ANO10: variants seen among roughly 807,000 people sequenced by gnomAD.
The protein encoded by ANO10 is anoctamin-10.
ANO10 carries 77 observed loss-of-function variants against 74.7 expected under a neutral mutation model. That is an observed-to-expected ratio of 1.03 (90% confidence interval 0.86 to 1.25). The LOEUF is 1.25. ANO10 is among the 50% of genes most tolerant of loss of function. The pLI is 0.00. For synonymous variants in ANO10, 279 were observed against 284.9 expected (o/e 0.98, Z 0.21); for missense variants, 721 against 778.1 (o/e 0.93, Z 0.87).
chr3:43,663,992 AGCTAC>A (rs955176390), intron 1 of ANO10, among the ~76,000 whole-genome samples: 1 of 152,230 alleles, frequency 6.6e-6, no homozygotes, highest in Non-Finnish European at 1.5e-5. Flanking sequence ...ATCCCCATCA[AGCTAC>A]CACTGACTTT....
At chr3:43,691,085 C>A (rs201623005) in intron 1 of ANO10, 16 of 1,503,398 alleles carry the variant, frequency 1.1e-5, no homozygotes, top group Non-Finnish European at 1.3e-5. Context: ...GGCGCGCACC[C>A]TCCGCGCGGG....
chr3:43,600,315 C>G, intron 3 of ANO10, 69 bp downstream of exon 3: 1 of 1,575,100 alleles, frequency 6.3e-7, no homozygotes, highest in Non-Finnish European at 8.7e-7. Flanking sequence ...TTGCTGATCC[C>G]TGATCTATTC....
At chr3:43,674,460 A>C (rs2149578819) in intron 1 of ANO10, among the ~76,000 whole-genome samples, 1 of 152,266 alleles carries the variant, frequency 6.6e-6, no homozygotes, top group Middle Eastern at 3.4e-3. Flanking sequence ...ACGGGAGTGT[A>C]GACTTTTTGA....
intron 11 of ANO10, among the ~76,000 whole-genome samples, chr3:43,499,866 C>G (rs888477676): frequency 6.6e-6 from 1 of 150,622 alleles, no homozygotes; most frequent in South Asian, 2.1e-4. Context: ...CTCACTCACT[C>G]TATCGCCCAT....
Position 43,684,113 on chromosome 3 carries a change from C to CA in ANO10, c.-12+7403dup, listed in dbSNP as rs909752833. On this transcript the variant is annotated intron_variant, in intron 1 of 3. Coordinates refer to the ANO10 transcript ENST00000413397. ...GTTAAACTAAAGAGCTTCCACACAG[C>CA]AAAAAAAACTACCATTAGAGTGAAC... Among the ~76,000 whole-genome samples the CA allele has an allele frequency of 3.6e-3, 538 of 151,512 alleles. 1 individual carries two copies. The highest frequency in any genetic ancestry group is 0.01 in the Middle Eastern group (3 of 294).
chr3:43,453,352 C>T (rs893341991), intron 11 of ANO10, among the ~76,000 whole-genome samples: 1 of 151,820 alleles, frequency 6.6e-6, no homozygotes, highest in Non-Finnish European at 1.5e-5. Context: ...GCTAATTTTC[C>T]GTATTTTTAG....
At chr3:43,598,380 C>G (rs1339737101) in intron 4 of ANO10, 152 bp downstream of exon 4, 1 of 702,414 alleles carries the variant, frequency 1.4e-6, no homozygotes, top group Non-Finnish European at 2.3e-6. Flanking sequence ...TTTAAAGATG[C>G]AATATACTGA....
intron 1 of ANO10, among the ~76,000 whole-genome samples, chr3:43,683,905 C>T (rs541774895): frequency 6.6e-6 from 1 of 152,266 alleles, no homozygotes; most frequent in Non-Finnish European, 1.5e-5. Flanking sequence ...GGAACCCTTC[C>T]TTACACCTTA....
intron 11 of ANO10, among the ~76,000 whole-genome samples, chr3:43,444,919 C>G (rs375060144): frequency 4.0e-5 from 6 of 151,888 alleles, no homozygotes; most frequent in African/African-American, 9.7e-5. Flanking sequence ...GTCAGGAGAT[C>G]GAGACCATCC....
At chr3:43,531,661 A>G (rs567289545) in intron 11 of ANO10, among the ~76,000 whole-genome samples, 1 of 152,272 alleles carries the variant, frequency 6.6e-6, no homozygotes, top group South Asian at 2.1e-4. Flanking sequence ...TGGGAGGCTG[A>G]GGTGGGCAGA....
At chr3:43,623,482 G>T (rs2083460980), upstream of ANO10, among the ~76,000 whole-genome samples, 1 of 152,140 alleles carries the variant, frequency 6.6e-6, no homozygotes, top group Non-Finnish European at 1.5e-5. Flanking sequence ...AGGATTACCA[G>T]CCCCAATGTT....
At chr3:43,387,570 T>G (rs921180594) in intron 12 of ANO10, among the ~76,000 whole-genome samples, 1 of 152,016 alleles carries the variant, frequency 6.6e-6, no homozygotes, top group East Asian at 1.9e-4. Flanking sequence ...TTTCCATTTT[T>G]CCCCAGATAT....
At chr3:43,488,774 G>T (rs1325521836) in intron 11 of ANO10, among the ~76,000 whole-genome samples, 1 of 152,148 alleles carries the variant, frequency 6.6e-6, no homozygotes, top group Non-Finnish European at 1.5e-5. Flanking sequence ...ATTCCTCAGG[G>T]ATCTAGAACT....
At chr3:43,643,382 G>A (rs1364025518) in intron 1 of ANO10, among the ~76,000 whole-genome samples, 1 of 151,794 alleles carries the variant, frequency 6.6e-6, no homozygotes, top group Non-Finnish European at 1.5e-5. Context: ...TGGGTGAAAG[G>A]TTAGCACATA....
chr3:43,677,089 G>C (rs1468501493), intron 1 of ANO10, among the ~76,000 whole-genome samples: 1 of 152,144 alleles, frequency 6.6e-6, no homozygotes, highest in African/African-American at 2.4e-5. Flanking sequence ...AATGAACCCA[G>C]CTGCCCATCA....
intron 7 of ANO10, among the ~76,000 whole-genome samples, chr3:43,566,573 T>C (rs61350026): frequency 0.02 from 2,989 of 152,018 alleles, 80 homozygotes; most frequent in African/African-American, 0.064. Flanking sequence ...CCAGCAGGGG[T>C]ACACTGACAC....
At position 43,644,901 on chromosome 3, in the gene ANO10, C is replaced by T. The variant is rs716606; in HGVS notation, c.-11-39038G>A. 6.3e-3 allele frequency among the ~76,000 whole-genome samples: 962 copies of T among 152,352 alleles called. 9 individuals carry two copies. The highest frequency in any genetic ancestry group is 0.02 in the African/African-American group (844 of 41,584). On this transcript the variant is annotated intron_variant, in intron 1 of 3. Coordinates refer to the ANO10 transcript ENST00000413397. Reference sequence around the variant, plus strand: ...ACCTGTCTGCACCTCTGTAAAGAGGCCCTCTTGAACCCTTTTCAGGTATGC... The same window carrying T: ...ACCTGTCTGCACCTCTGTAAAGAGGTCCTCTTGAACCCTTTTCAGGTATGC...
At position 43,467,142 on chromosome 3, in the gene ANO10, T is replaced by C. The variant is rs150739087; in HGVS notation, c.1798-34415A>G. On this transcript the variant is annotated intron_variant, in intron 11 of 12. Coordinates refer to ENST00000292246, the MANE Select transcript of ANO10 (RefSeq NM_018075.5). Reference sequence around the variant, plus strand: ...AACTGGAACTCTCAATCATTGCTGGTTGAAGTTTATGTAAAATGTTAAAAC... The same window carrying C: ...AACTGGAACTCTCAATCATTGCTGGCTGAAGTTTATGTAAAATGTTAAAAC... Among the ~76,000 whole-genome samples the C allele has an allele frequency of 5.3e-3, 801 of 152,342 alleles. 5 individuals are homozygous for C. Among genetic ancestry groups the C allele is most frequent in the African/African-American group, 0.019 (771 of 41,584 alleles).
rs923311475 is a variant in ANO10 at position 43,504,072 on chromosome 3, G to C, written c.1797+45648C>G. The stretch of plus-strand genomic sequence containing the variant: ...TCACCTGAGGCCAGGAGTTCAAGAC[G>C]AGCCTAGCCAACATGGTGAAACCCT... On this transcript the variant is annotated intron_variant, in intron 11 of 12. Coordinates refer to ENST00000292246, the MANE Select transcript of ANO10 (RefSeq NM_018075.5). 1.1e-4 allele frequency among the ~76,000 whole-genome samples: 16 copies of C among 152,056 alleles called. No individual in the cohort carries two copies. In the East Asian group the frequency reaches 3.1e-3, roughly 29 times the overall value.
Sources: gnomAD v4.1 joint callset for allele counts (sites outside exome capture counted in the v4.1 genomes callset) on GRCh38, gnomAD v4.1.1 for gene constraint, MANE v1.5 for transcripts, NCBI Gene and HGNC (gene_info 2026-07-23, HGNC 2026-07-21) for gene names.